MIDEAS: variants seen among roughly 807,000 people sequenced by gnomAD.
MIDEAS encodes mitotic deacetylase associated SANT domain protein.
Under a neutral mutation model 102.7 loss-of-function variants are expected in MIDEAS, and 26 were observed. That is an observed-to-expected ratio of 0.25 (90% confidence interval 0.19 to 0.35). The LOEUF (loss-of-function observed/expected upper bound fraction) is 0.35, where lower values mean the gene tolerates loss of function less well. Among genes scored for constraint, MIDEAS ranks in the 10% least tolerant of loss-of-function variants. The pLI is 1.00. For missense variants in MIDEAS, 1,231 were observed against 1,435.6 expected (o/e 0.86, Z 2.30); for synonymous variants, 585 against 591.0 (o/e 0.99, Z 0.15).
intron 3 of MIDEAS, among the ~76,000 whole-genome samples, chr14:73,736,395 G>C (rs2053200254): frequency 6.6e-6 from 1 of 152,070 alleles, no homozygotes; most frequent in Non-Finnish European, 1.5e-5. Context: ...ACTCTAGGAG[G>C]CTGAGGTGGG....
rs768892733 is a variant in MIDEAS, at chr14:73,729,698, G to A, written c.2037C>T (p.Thr679=). ...GCGTGATGGGAGGAGGGGCAGGGAT[G>A]GTGCTGGTTGATATGATGGCATTGA... ...LYFNAIISTS[T]IPAPPPITPK... is the part of the protein sequence containing the mutation. Residue 679 remains threonine, a synonymous_variant, in exon 4 of 13, where the codon ACC becomes ACT. Transcript: ENST00000423556. 4.3e-5 allele frequency: 70 copies of A among 1,613,818 alleles called. 1 individual carries two copies. In the South Asian group the frequency reaches 7.5e-4, roughly 17 times the overall value.
chr14:73,783,410 C>CA (rs1218237814), intron 1 of MIDEAS, among the ~76,000 whole-genome samples: 2 of 152,118 alleles, frequency 1.3e-5, no homozygotes, highest in East Asian at 3.9e-4. Context: ...GTGGTTTGGA[C>CA]AAACACACAG....
At chr14:73,776,750 G>A (rs780759453) in intron 1 of MIDEAS, among the ~76,000 whole-genome samples, 32 of 151,902 alleles carry the variant, frequency 2.1e-4, no homozygotes, top group Non-Finnish European at 3.4e-4. Context: ...CCACTCTGCT[G>A]GGGAGGCTGC....
intron 1 of MIDEAS, among the ~76,000 whole-genome samples, chr14:73,744,332 G>A (rs941941348): frequency 2.0e-5 from 3 of 152,204 alleles, no homozygotes; most frequent in Non-Finnish European, 4.4e-5. Context: ...AGTCTGCTTG[G>A]GGCAATCAGT....
intron 1 of MIDEAS, among the ~76,000 whole-genome samples, chr14:73,748,463 G>A (rs769698492): frequency 5.9e-5 from 9 of 152,288 alleles, no homozygotes; most frequent in Middle Eastern, 3.4e-3. Flanking sequence ...CCCAAGAGGT[G>A]GAGGTTGCAG....
In MIDEAS at chr14:73,739,024, A is replaced by C; in HGVS notation, c.985T>G (p.Ser329Ala). ...TGAGGTAGCGCTGGCTGCGGGGCTGAGTCCTGCAGAAGGGCCTTGCGCAGT... is the reference window on the plus strand; with the variant it reads ...TGAGGTAGCGCTGGCTGCGGGGCTGCGTCCTGCAGAAGGGCCTTGCGCAGT... ...PELRKALLQD[S>A]APQPALPQVQ... Residue 329 changes from serine (S) to alanine (A), a missense_variant, in exon 2 of 13, where the codon TCA (serine) becomes GCA (alanine). This residue lies in a region of MIDEAS where 758 missense variants were observed against 856.0 expected (regional missense o/e 0.89). Transcript: ENST00000423556. 1.3e-6 allele frequency: 2 copies of C among 1,542,778 alleles called. No homozygotes were observed. Among genetic ancestry groups the C allele is most frequent in the Non-Finnish European group, 1.7e-6 (2 of 1,143,412 alleles).
intron 1 of MIDEAS, among the ~76,000 whole-genome samples, chr14:73,781,572 T>C (rs1279015251): frequency 6.6e-6 from 1 of 151,662 alleles, no homozygotes; most frequent in African/African-American, 2.4e-5. Context: ...CTGTCTCTAC[T>C]AAAAATACAA....
chr14:73,787,145 A>C (rs1379945807), exon 1 of MIDEAS: 4 of 149,466 alleles, frequency 2.7e-5, no homozygotes, highest in Admixed American at 6.6e-5. Context: ...TGCGGGGCGC[A>C]GGCGAGTGCG....
At chr14:73,783,902 G>A (rs2053781104) in intron 1 of MIDEAS, among the ~76,000 whole-genome samples, 1 of 152,138 alleles carries the variant, frequency 6.6e-6, no homozygotes, top group African/African-American at 2.4e-5. Context: ...TTTGGAGGTG[G>A]GTTGTGATGT....
At chr14:73,773,566 C>T (rs2053661241) in intron 1 of MIDEAS, among the ~76,000 whole-genome samples, 2 of 151,970 alleles carry the variant, frequency 1.3e-5, no homozygotes, top group African/African-American at 2.4e-5. Flanking sequence ...CACACACATT[C>T]ATGGGTTCCT....
At chr14:73,719,747 G>A (rs1042749156) in intron 11 of MIDEAS, among the ~76,000 whole-genome samples, 3 of 151,598 alleles carry the variant, frequency 2.0e-5, no homozygotes, top group Non-Finnish European at 4.4e-5. Flanking sequence ...AGCTGCTAGA[G>A]GCCTTGATGC....
At chr14:73,724,362 C>G (rs936359336) in intron 9 of MIDEAS, 1 of 152,052 alleles carries the variant, frequency 6.6e-6, no homozygotes, top group Non-Finnish European at 1.5e-5. Context: ...GGCCAAGTCA[C>G]ACATGTATTA....
chr14:73,758,709 A>G (rs2053516679), intron 1 of MIDEAS: 1 of 154,462 alleles, frequency 6.5e-6, no homozygotes, highest in Non-Finnish European at 1.5e-5. Flanking sequence ...TAAATGGGGC[A>G]TATAACTTCC....
intron 1 of MIDEAS, among the ~76,000 whole-genome samples, chr14:73,768,839 C>T (rs1300217821): frequency 6.6e-6 from 1 of 152,032 alleles, no homozygotes; most frequent in African/African-American, 2.4e-5. Context: ...GAACTTCTGG[C>T]TTGTCATGGA....
At chr14:73,740,332 A>G in intron 1 of MIDEAS, 77 bp from the exon 2 acceptor site, 1 of 399,356 alleles carries the variant, frequency 2.5e-6, no homozygotes, top group Non-Finnish European at 4.4e-6. Flanking sequence ...GTGTAAGAAA[A>G]GGGGCTCCAA....
At chr14:73,761,728 T>G (rs1383645527), upstream of MIDEAS, among the ~76,000 whole-genome samples, 1 of 152,164 alleles carries the variant, frequency 6.6e-6, no homozygotes, top group Non-Finnish European at 1.5e-5. Flanking sequence ...ACAGTATTGT[T>G]CCTGGCAGCT....
At chr14:73,757,719 T>C (rs2053502619) in intron 1 of MIDEAS, among the ~76,000 whole-genome samples, 1 of 152,058 alleles carries the variant, frequency 6.6e-6, no homozygotes. Flanking sequence ...CTGTCAGAGG[T>C]CTTGGCACCC....
intron 1 of MIDEAS, among the ~76,000 whole-genome samples, chr14:73,743,616 T>G (rs1166094002): frequency 6.6e-6 from 1 of 151,954 alleles, no homozygotes; most frequent in Non-Finnish European, 1.5e-5. Context: ...GTCCCTCAGA[T>G]GGAAATCAAA....
intron 1 of MIDEAS, among the ~76,000 whole-genome samples, chr14:73,776,529 CAAAAAAA>C (rs71460920): frequency 2.6e-5 from 3 of 113,220 alleles, no homozygotes; most frequent in African/African-American, 9.5e-5. Flanking sequence ...GTTTAAATTA[CAAAAAAA>C]AAAAAAAAAA....
Sources: allele counts gnomAD v4.1 joint callset (sites outside exome capture counted in the v4.1 genomes callset), GRCh38; gene constraint gnomAD v4.1.1; regional missense constraint gnomAD v4.1.1; transcripts MANE v1.5; gene names NCBI Gene and HGNC (gene_info 2026-07-23, HGNC 2026-07-21).